Variants in OR4C16 observed in about 807,000 individuals in gnomAD.
The protein encoded by OR4C16 is olfactory receptor 4C16.
OR4C16 carries 24 observed loss-of-function variants against 14.4 expected under a neutral mutation model. That is an observed-to-expected ratio of 1.66 (90% CI 1.21 to 2.34). The LOEUF (loss-of-function observed/expected upper bound fraction) is 2.34. OR4C16 is among the 30% of genes most tolerant of loss of function. The probability of loss-of-function intolerance (pLI) is 0.00; values close to 1 mark genes in which losing one functional copy is unlikely to be tolerated. For synonymous variants in OR4C16, 233 were observed against 133.5 expected, an observed-to-expected ratio of 1.75 and a Z score of -5.14; for missense variants, 674 against 364.2, an observed-to-expected ratio of 1.85 and a Z score of -6.92.
At position 55,572,370 on chromosome 11, in the gene OR4C16, G is replaced by A. The variant is rs1340569243; in HGVS notation, c.243G>A (p.Val81=). The change falls in exon 1 of 1, where the codon GTG becomes GTA. Residue 81 remains valine (V), a synonymous_variant. Coordinates refer to ENST00000623907, the MANE Select transcript of OR4C16 (RefSeq NM_001004701.2). The stretch of plus-strand genomic sequence containing the variant: ...CTTCCATAACCCCTAGAATGATTGT[G>A]GATGCCCTTTTGAAGAAGACAACTA... The part of the protein sequence containing the change: ...LSTSITPRMI[V]DALLKKTTIS... The A allele has an allele frequency of 3.7e-6, 6 of 1,613,554 alleles. No individual in the cohort carries two copies. In the Admixed American group the frequency reaches 5.0e-5, roughly 13 times the overall value.
rs1174617581 is a variant in OR4C16 at position 55,572,667 on chromosome 11, G to A, written c.540G>A (p.Gln180=). Residue 180 remains glutamine, a synonymous_variant, in exon 1 of 1, where the codon CAG becomes CAA. Coordinates refer to ENST00000623907, the MANE Select transcript of OR4C16 (RefSeq NM_001004701.2). Reference sequence around the variant, plus strand: ...TCAATCACTGTTTCTGTGACTTGCAGCCCTTGTTGAAACAAGCCTGTTCAG... The same window carrying A: ...TCAATCACTGTTTCTGTGACTTGCAACCCTTGTTGAAACAAGCCTGTTCAG... ...NVINHCFCDL[Q]PLLKQACSET... is the part of the protein sequence containing the mutation. 1.2e-6 allele frequency: 2 copies of A among 1,614,120 alleles called. No homozygotes were observed. The highest frequency in any genetic ancestry group is 1.7e-6 in the Non-Finnish European group (2 of 1,180,014).
rs1443902380 is a variant in OR4C16 at position 55,572,996 on chromosome 11, C to T, written c.869C>T (p.Thr290Ile). The T allele has an allele frequency of 6.2e-7, 1 of 1,605,048 alleles. No homozygotes were observed. Among genetic ancestry groups the T allele is most frequent in the African/African-American group, 1.3e-5 (1 of 74,692 alleles). The part of the protein sequence containing the change: ...LNPVIYTLKN[T>I]EVKSAMRKLW... ...CCTGTGATTTACACGCTGAAGAATA[C>T]AGAAGTGAAAAGTGCCATGAGGAAG... is the stretch of plus-strand genomic sequence containing the variant. Residue 290 changes from threonine (T) to isoleucine (I), a missense_variant, in exon 1 of 1, where the codon ACA becomes ATA. Coordinates refer to ENST00000623907, the MANE Select transcript of OR4C16 (RefSeq NM_001004701.2).
chr11:55,572,413 A>C lies in OR4C16; in HGVS notation c.286A>C (p.Met96Leu), dbSNP rs779810063. 3.7e-6 allele frequency: 6 copies of C among 1,614,030 alleles called. No homozygotes were observed. The South Asian group carries it at 4.4e-5, about 12-fold the overall frequency. ...KKTTISFSEC[M>L]IQVFSSHVFG... ...GACAACTATCTCCTTCAGCGAGTGCATGATCCAAGTCTTTTCATCCCATGT... is the reference window on the plus strand; with the variant it reads ...GACAACTATCTCCTTCAGCGAGTGCCTGATCCAAGTCTTTTCATCCCATGT... Residue 96 changes from methionine to leucine, a missense_variant, in exon 1 of 1, where the codon ATG becomes CTG. Coordinates refer to ENST00000623907, the MANE Select transcript of OR4C16 (RefSeq NM_001004701.2).
In OR4C16 at chr11:55,572,716, C is replaced by A. The variant is rs112975945; in HGVS notation, c.589C>A (p.Leu197Met). ...CSETYVVNLL[L>M]VSNSGAICAV... ...AGAAACCTATGTGGTTAACCTACTC[C>A]TGGTTTCCAATAGTGGGGCCATTTG... Residue 197 changes from leucine (L) to methionine (M), a missense_variant, in exon 1 of 1, where the codon CTG (leucine) becomes ATG (methionine). Transcript: ENST00000623907. 7 of 1,613,606 alleles carry A rather than the reference C, an allele frequency of 4.3e-6. No individual in the cohort carries two copies. The African/African-American group carries it at 5.3e-5, about 12-fold the overall frequency.
At position 55,572,779 on chromosome 11, in the gene OR4C16, A is replaced by T; in HGVS notation, c.652A>T (p.Ile218Phe). The T allele has an allele frequency of 1.9e-6, 3 of 1,614,114 alleles. No homozygotes were observed. The highest frequency in any genetic ancestry group is 2.5e-6 in the Non-Finnish European group (3 of 1,180,006). ...SYVMLIFSYV[I>F]FLHSLRNHSA... The stretch of plus-strand genomic sequence containing the variant: ...TGTCATGCTAATATTCTCCTATGTC[A>T]TCTTCTTGCATTCTCTGAGAAACCA... The change falls in exon 1 of 1, where the codon ATC becomes TTC. Residue 218 changes from isoleucine to phenylalanine, a missense_variant. Transcript: ENST00000623907.
Position 55,572,342 on chromosome 11 carries a change from C to T in OR4C16, c.215C>T (p.Ser72Phe). 6.2e-7 allele frequency: 1 copy of T among 1,613,190 alleles called. No homozygotes were observed. The highest frequency in any genetic ancestry group is 2.2e-5 in the East Asian group (1 of 44,870). Residue 72 changes from serine (S) to phenylalanine (F), a missense_variant, in exon 1 of 1, where the codon TCT becomes TTT. Coordinates refer to ENST00000623907, the MANE Select transcript of OR4C16 (RefSeq NM_001004701.2). ...FYLSLSDTCL[S>F]TSITPRMIVD... Reference sequence around the variant, plus strand: ...TTATCCTTATCTGATACTTGCCTCTCTACTTCCATAACCCCTAGAATGATT... The same window carrying T: ...TTATCCTTATCTGATACTTGCCTCTTTACTTCCATAACCCCTAGAATGATT...
chr11:55,572,497 A>G lies in OR4C16; in HGVS notation c.370A>G (p.Ile124Val), dbSNP rs773207176. 6.2e-7 allele frequency: 1 copy of G among 1,614,074 alleles called. No individual in the cohort carries two copies. The change falls in exon 1 of 1, where the codon ATC becomes GTC. Residue 124 changes from isoleucine (I) to valine (V), a missense_variant. By Grantham distance (29) the Ile-to-Val change is conservative. Coordinates refer to ENST00000623907, the MANE Select transcript of OR4C16 (RefSeq NM_001004701.2). ...CACGGCTGTTGACCGCTATGTGGAC[A>G]TCTGTAAGCCCCTGCACTACATGAC... The part of the protein sequence containing the change: ...ILTAVDRYVD[I>V]CKPLHYMTII...
chr11:55,572,211 T>C lies in OR4C16; in HGVS notation c.84T>C (p.Ile28=). The change falls in exon 1 of 1, where the codon ATT becomes ATC. Residue 28 remains isoleucine (I), a synonymous_variant. Coordinates refer to ENST00000623907, the MANE Select transcript of OR4C16 (RefSeq NM_001004701.2). ...DPFWKKIVFV[I]FLRLYLGTLL... is the part of the protein sequence containing the mutation. ...TTTGGAAGAAAATAGTGTTTGTTAT[T>C]TTTTTGCGTCTCTACTTGGGAACAC... 1 of 1,611,876 alleles carries C rather than the reference T, an allele frequency of 6.2e-7. No homozygotes were observed. Among genetic ancestry groups the C allele is most frequent in the African/African-American group, 1.3e-5 (1 of 74,952 alleles).
chr11:55,572,145 T>A lies in OR4C16; in HGVS notation c.18T>A (p.Asn6Lys). Residue 6 changes from asparagine to lysine, a missense_variant, in exon 1 of 1, where the codon AAT becomes AAA. Asn to Lys is a moderately conservative substitution (Grantham distance 94). Coordinates refer to ENST00000623907, the MANE Select transcript of OR4C16 (RefSeq NM_001004701.2). ...CGAAAACCATGCAACTGAATAATAA[T>A]GTGACTGAGTTCATTCTGCTTGGAT... The part of the protein sequence containing the change: MQLNN[N>K]VTEFILLGLT... 2 of 1,607,128 alleles carry A rather than the reference T, an allele frequency of 1.2e-6. No homozygotes were observed. Among genetic ancestry groups the A allele is most frequent in the Non-Finnish European group, 1.7e-6 (2 of 1,174,932 alleles).
Position 55,572,182 on chromosome 11 carries a change from C to G in OR4C16, c.55C>G (p.Pro19Ala). 6.2e-7 allele frequency: 1 copy of G among 1,612,300 alleles called. No homozygotes were observed. Among genetic ancestry groups the G allele is most frequent in the South Asian group, 1.1e-5 (1 of 90,986 alleles). The change falls in exon 1 of 1, where the codon CCT (proline) becomes GCT (alanine). Residue 19 changes from proline to alanine, a missense_variant. Transcript: ENST00000623907. The stretch of plus-strand genomic sequence containing the variant: ...CATTCTGCTTGGATTGACACAGGAT[C>G]CTTTTTGGAAGAAAATAGTGTTTGT... ...EFILLGLTQD[P>A]FWKKIVFVIF...
chr11:55,572,358 T>C lies in OR4C16; in HGVS notation c.231T>C (p.Pro77=). ...CTTGCCTCTCTACTTCCATAACCCC[T>C]AGAATGATTGTGGATGCCCTTTTGA... ...SDTCLSTSIT[P]RMIVDALLKK... The change falls in exon 1 of 1, where the codon CCT becomes CCC. Residue 77 remains proline (P), a synonymous_variant. Coordinates refer to ENST00000623907, the MANE Select transcript of OR4C16 (RefSeq NM_001004701.2). The C allele has an allele frequency of 6.2e-7, 1 of 1,613,644 alleles. No homozygotes were observed. Among genetic ancestry groups the C allele is most frequent in the South Asian group, 1.1e-5 (1 of 91,062 alleles).
At position 55,572,255 on chromosome 11, in the gene OR4C16, T is replaced by A. The variant is rs1465631149; in HGVS notation, c.128T>A (p.Ile43Asn). The A allele has an allele frequency of 6.2e-7, 1 of 1,612,788 alleles. No individual in the cohort carries two copies. Among genetic ancestry groups the A allele is most frequent in the Admixed American group, 1.7e-5 (1 of 59,998 alleles). ...YLGTLLGNLLIIISVKTSQAL... is the reference protein window; with the variant it reads ...YLGTLLGNLLNIISVKTSQAL... ...GGAACACTGTTGGGTAATTTGCTAA[T>A]CATTATTAGTGTCAAGACCAGCCAG... Residue 43 changes from isoleucine (I) to asparagine (N), a missense_variant, in exon 1 of 1, where the codon ATC (isoleucine) becomes AAC (asparagine). By Grantham distance (149) the Ile-to-Asn change is moderately radical (BLOSUM62 -3). Coordinates refer to ENST00000623907, the MANE Select transcript of OR4C16 (RefSeq NM_001004701.2).
In OR4C16 at chr11:55,573,021, G is replaced by A. The variant is rs769170198; in HGVS notation, c.894G>A (p.Lys298=). Residue 298 remains lysine (K), a synonymous_variant, in exon 1 of 1, where the codon AAG becomes AAA. Transcript: ENST00000623907. ...CAGAAGTGAAAAGTGCCATGAGGAA[G>A]CTTTGGAGCAAGAAATTGATCACAG... ...KNTEVKSAMR[K]LWSKKLITDD... 1.3e-6 allele frequency: 2 copies of A among 1,576,298 alleles called. No homozygotes were observed. Among genetic ancestry groups the A allele is most frequent in the African/African-American group, 1.4e-5 (1 of 73,540 alleles).
Position 55,572,989 on chromosome 11 carries a change from A to C in OR4C16, c.862A>C (p.Lys288Gln), listed in dbSNP as rs750625176. The C allele has an allele frequency of 6.2e-7, 1 of 1,606,150 alleles. No homozygotes were observed. The highest frequency in any genetic ancestry group is 8.5e-7 in the Non-Finnish European group (1 of 1,174,668). The change falls in exon 1 of 1, where the codon AAG becomes CAG. Residue 288 changes from lysine to glutamine, a missense_variant. Transcript: ENST00000623907. ...SFLNPVIYTL[K>Q]NTEVKSAMRK... Reference sequence around the variant, plus strand: ...TCTCAACCCTGTGATTTACACGCTGAAGAATACAGAAGTGAAAAGTGCCAT... The same window carrying C: ...TCTCAACCCTGTGATTTACACGCTGCAGAATACAGAAGTGAAAAGTGCCAT...
Position 55,572,944 on chromosome 11 carries a change from T to TA in OR4C16, c.818dup (p.Tyr273Ter), listed in dbSNP as rs773289014. The TA allele has an allele frequency of 1.2e-6, 2 of 1,612,338 alleles. No homozygotes were observed. The highest frequency in any genetic ancestry group is 2.2e-5 in the South Asian group (2 of 91,022). ...CATGGATAAGATGATAGCTGTATTTTATACAGTTGGAACATCTTTTCTCAA... is the reference window on the plus strand; with the variant it reads ...CATGGATAAGATGATAGCTGTATTTTAATACAGTTGGAACATCTTTTCTCAA... Reference protein sequence around the residue: ...FPMDKMIAVFYTVGTSFLNPV... With the variant: ...FPMDKMIAVF Residue 273 changes from tyrosine to a stop codon, truncating the protein, a stop_gained and frameshift_variant, in exon 1 of 1, where the codon TAT (tyrosine) becomes TAAT (stop). Coordinates refer to ENST00000623907, the MANE Select transcript of OR4C16 (RefSeq NM_001004701.2). LOFTEE classifies it high-confidence loss of function.
At position 55,572,577 on chromosome 11, in the gene OR4C16, C is replaced by T. The variant is rs1038101228; in HGVS notation, c.450C>T (p.Ser150=). The change falls in exon 1 of 1, where the codon TCC becomes TCT. Residue 150 remains serine, a synonymous_variant. Transcript: ENST00000623907. ...GVLMAVAWVG[S]CVHSLVQIFL... is the part of the protein sequence containing the mutation. The stretch of plus-strand genomic sequence containing the variant: ...TGATGGCTGTGGCCTGGGTGGGATC[C>T]TGTGTGCATTCTTTAGTTCAGATTT... The T allele has an allele frequency of 1.2e-5, 19 of 1,613,936 alleles. No homozygotes were observed. The highest frequency in any genetic ancestry group is 6.7e-5 in the Admixed American group (4 of 59,978).
chr11:55,572,466 C>T lies in OR4C16; in HGVS notation c.339C>T (p.Leu113=), dbSNP rs1565052256. 1.9e-6 allele frequency: 3 copies of T among 1,614,080 alleles called. No individual in the cohort carries two copies. Among genetic ancestry groups the T allele is most frequent in the Non-Finnish European group, 2.5e-6 (3 of 1,179,964 alleles). Residue 113 remains leucine (L), a synonymous_variant, in exon 1 of 1, where the codon CTC becomes CTT. Coordinates refer to ENST00000623907, the MANE Select transcript of OR4C16 (RefSeq NM_001004701.2). Reference sequence around the variant, plus strand: ...TTGGCTGCCTGGAGATCTTCATCCTCATCCTCACGGCTGTTGACCGCTATG... The same window carrying T: ...TTGGCTGCCTGGAGATCTTCATCCTTATCCTCACGGCTGTTGACCGCTATG... ...HVFGCLEIFI[L]ILTAVDRYVD... is the part of the protein sequence containing the mutation.
chr11:55,572,342 C>G lies in OR4C16; in HGVS notation c.215C>G (p.Ser72Cys), dbSNP rs766085536. 2.5e-6 allele frequency: 4 copies of G among 1,613,190 alleles called. No homozygotes were observed. The highest frequency in any genetic ancestry group is 3.4e-6 in the Non-Finnish European group (4 of 1,179,200). The stretch of plus-strand genomic sequence containing the variant: ...TTATCCTTATCTGATACTTGCCTCT[C>G]TACTTCCATAACCCCTAGAATGATT... The part of the protein sequence containing the change: ...FYLSLSDTCL[S>C]TSITPRMIVD... The change falls in exon 1 of 1, where the codon TCT becomes TGT. Residue 72 changes from serine to cysteine, a missense_variant. By Grantham distance (112) the Ser-to-Cys change is moderately radical. Transcript: ENST00000623907.
chr11:55,572,882 G>T lies in OR4C16; in HGVS notation c.755G>T (p.Cys252Phe). 1.2e-6 allele frequency: 2 copies of T among 1,613,890 alleles called. No individual in the cohort carries two copies. The highest frequency in any genetic ancestry group is 1.7e-6 in the Non-Finnish European group (2 of 1,179,848). ...IIVVILFFGPCIFMYTCLATV... is the reference protein window; with the variant it reads ...IIVVILFFGPFIFMYTCLATV... ...GTGGTCATCTTGTTCTTTGGACCTT[G>T]CATATTTATGTACACATGCCTTGCA... Residue 252 changes from cysteine (C) to phenylalanine (F), a missense_variant, in exon 1 of 1, where the codon TGC becomes TTC. Transcript: ENST00000623907.
Sources: allele counts gnomAD v4.1 joint callset, GRCh38; gene constraint gnomAD v4.1.1; transcripts MANE v1.5; gene names NCBI Gene and HGNC (gene_info 2026-07-23, HGNC 2026-07-21).